Variants in PDZRN4 observed in about 807,000 individuals in gnomAD.
PDZRN4 encodes the protein PDZ domain containing ring finger 4, also known as PDZ domain-containing RING finger protein 4.
A neutral mutation model predicts 99.0 loss-of-function variants in PDZRN4; 70 were observed. The observed-to-expected ratio is 0.71, with a 90% CI of 0.58 to 0.86. The LOEUF (loss-of-function observed/expected upper bound fraction) is 0.86. Ranked by LOEUF, PDZRN4 falls within the 40% of genes least tolerant of loss-of-function variation. PDZRN4 has a pLI of 0.00. For missense variants in PDZRN4, 1,474 were observed against 1,331.2 expected, an observed-to-expected ratio of 1.11 and a Z score of -1.67; for synonymous variants, 551 against 501.6, an observed-to-expected ratio of 1.10 and a Z score of -1.32.
At chr12:41,439,245 T>C (rs564158165) in intron 3 of PDZRN4, among the ~76,000 whole-genome samples, 1 of 152,282 alleles carries the variant, frequency 6.6e-6, no homozygotes, top group Non-Finnish European at 1.5e-5. Flanking sequence ...CAATACCTTT[T>C]GCTTCATTTT....
intron 3 of PDZRN4, among the ~76,000 whole-genome samples, chr12:41,439,212 AACATTGTTAATT>A (rs1952656530): frequency 6.6e-6 from 1 of 152,228 alleles, no homozygotes; most frequent in South Asian, 2.1e-4. Flanking sequence ...AAAGAAGATT[AACATTGTTAATT>A]ACACCAGGGG....
chr12:41,188,355 G>A lies in PDZRN4; in HGVS notation c.-101G>A. 13 of 1,192,144 alleles carry A rather than the reference G, an allele frequency of 1.1e-5. No individual in the cohort carries two copies. The highest frequency in any genetic ancestry group is 1.6e-5 in the South Asian group (1 of 61,654). The allele number at this position is 1,192,144 out of a possible 1,614,324, so 73.8% of individuals were successfully genotyped here. ...CCACCCGCCACCTCCCTCCACTGCC[G>A]CCGCCGCGAGACGGCTGCCCCGGGG... On this transcript the variant is annotated 5_prime_UTR_variant, in exon 1 of 10. Coordinates refer to ENST00000402685, the MANE Select transcript of PDZRN4 (RefSeq NM_001164595.2).
chr12:41,370,157 A>G lies in PDZRN4; in HGVS notation c.844-136299A>G, dbSNP rs566651926. On this transcript the variant is annotated intron_variant, in intron 3 of 9. Transcript: ENST00000402685. ...GTCAATGCTATTTGAAATCATCACCATGTTTACCAATTTGCACTTATTGTT... is the reference window on the plus strand; with the variant it reads ...GTCAATGCTATTTGAAATCATCACCGTGTTTACCAATTTGCACTTATTGTT... Among the ~76,000 whole-genome samples, 19 of 152,020 alleles carry G rather than the reference A, an allele frequency of 1.2e-4. No homozygotes were observed. The East Asian group carries it at 2.7e-3, about 22-fold the overall frequency.
At chr12:41,530,590 TAGACTGG>T in intron 5 of PDZRN4, among the ~76,000 whole-genome samples, 1 of 152,224 alleles carries the variant, frequency 6.6e-6, no homozygotes, top group Admixed American at 6.5e-5. Flanking sequence ...CTTTTATGCA[TAGACTGG>T]TGCATATTAA....
intron 3 of PDZRN4, among the ~76,000 whole-genome samples, chr12:41,301,459 C>T (rs1035722384): frequency 6.6e-6 from 1 of 151,872 alleles, no homozygotes; most frequent in African/African-American, 2.4e-5. Flanking sequence ...ATGATCTTTA[C>T]ATAAGATATA....
At chr12:41,234,085 C>T (rs1440604098) in intron 3 of PDZRN4, among the ~76,000 whole-genome samples, 1 of 151,796 alleles carries the variant, frequency 6.6e-6, no homozygotes, top group African/African-American at 2.4e-5. Context: ...TTAATAGAAA[C>T]CTCAAAAAAG....
intron 3 of PDZRN4, among the ~76,000 whole-genome samples, chr12:41,325,514 G>T (rs947028401): frequency 2.0e-5 from 3 of 152,092 alleles, no homozygotes; most frequent in African/African-American, 7.2e-5. Context: ...CTAGGGAGGA[G>T]GATACCAAGT....
At position 41,334,487 on chromosome 12, in the gene PDZRN4, AG is replaced by A. The variant is rs1422225136; in HGVS notation, c.843+140300del. On this transcript the variant is annotated intron_variant, in intron 3 of 9. Transcript: ENST00000402685. ...TTTGCTGAGATCCTTCTCTGAAATA[AG>A]CTCAGCACCATCACCTCCTTATCTC... is the stretch of plus-strand genomic sequence containing the variant. Among the ~76,000 whole-genome samples the A allele has an allele frequency of 2.0e-5, 3 of 151,964 alleles. No individual in the cohort carries two copies. In the East Asian group the frequency reaches 5.8e-4, roughly 29 times the overall value.
intron 3 of PDZRN4, among the ~76,000 whole-genome samples, chr12:41,280,952 C>T (rs1374203162): frequency 6.6e-6 from 1 of 152,172 alleles, no homozygotes; most frequent in East Asian, 1.9e-4. Flanking sequence ...ACAGACACCT[C>T]ATACAGGAGA....
At chr12:41,314,830 GT>G (rs895882680) in intron 3 of PDZRN4, among the ~76,000 whole-genome samples, 1 of 151,150 alleles carries the variant, frequency 6.6e-6, no homozygotes, top group Admixed American at 6.6e-5. Context: ...TCTTTTTCAA[GT>G]TTTTTTCAAG....
At chr12:41,394,118 A>G (rs1334891470) in intron 3 of PDZRN4, among the ~76,000 whole-genome samples, 1 of 152,156 alleles carries the variant, frequency 6.6e-6, no homozygotes, top group Non-Finnish European at 1.5e-5. Context: ...TGGGTTGCAG[A>G]CAGCTGTCTT....
intron 3 of PDZRN4, among the ~76,000 whole-genome samples, chr12:41,316,343 T>G (rs566097425): frequency 1.3e-5 from 2 of 152,206 alleles, no homozygotes; most frequent in South Asian, 4.2e-4. Context: ...TCTTTCTTAA[T>G]AGTTGGAATG....
intron 3 of PDZRN4, among the ~76,000 whole-genome samples, chr12:41,325,751 G>A (rs139550261): frequency 6.7e-6 from 1 of 150,364 alleles, no homozygotes; most frequent in Non-Finnish European, 1.5e-5. Flanking sequence ...AAGTCAGAGT[G>A]ATTAAAAAAC....
intron 3 of PDZRN4, among the ~76,000 whole-genome samples, chr12:41,344,058 G>A (rs1951836109): frequency 6.6e-6 from 1 of 151,990 alleles, no homozygotes; most frequent in African/African-American, 2.4e-5. Flanking sequence ...TTTTAACACA[G>A]ACATTTTATG....
intron 3 of PDZRN4, among the ~76,000 whole-genome samples, chr12:41,210,151 A>G (rs1360797143): frequency 6.6e-6 from 1 of 151,984 alleles, no homozygotes; most frequent in Non-Finnish European, 1.5e-5. Flanking sequence ...TCTTCTTTTG[A>G]GAAGTGTCTG....
At chr12:41,220,163 G>A (rs946747633) in intron 3 of PDZRN4, among the ~76,000 whole-genome samples, 5 of 152,056 alleles carry the variant, frequency 3.3e-5, no homozygotes, top group Admixed American at 3.3e-4. Flanking sequence ...CCCATAGACC[G>A]GGTAACTTAA....
intron 5 of PDZRN4, among the ~76,000 whole-genome samples, chr12:41,510,343 G>A (rs780866203): frequency 6.6e-6 from 1 of 151,940 alleles, no homozygotes; most frequent in Non-Finnish European, 1.5e-5. Context: ...CTCTCTTTGT[G>A]CCTCTGGTCT....
At chr12:41,324,817 T>A (rs757145016) in intron 3 of PDZRN4, among the ~76,000 whole-genome samples, 1 of 152,130 alleles carries the variant, frequency 6.6e-6, no homozygotes, top group Non-Finnish European at 1.5e-5. Flanking sequence ...AAAAATACCT[T>A]ATCAATTTTT....
intron 3 of PDZRN4, among the ~76,000 whole-genome samples, chr12:41,322,850 T>A (rs1951689220): frequency 6.6e-6 from 1 of 151,906 alleles, no homozygotes; most frequent in African/African-American, 2.4e-5. Flanking sequence ...TGAATTATGA[T>A]CTTTTTCTCG....
Sources: allele counts gnomAD v4.1 joint callset (sites outside exome capture counted in the v4.1 genomes callset), GRCh38; gene constraint gnomAD v4.1.1; transcripts MANE v1.5; gene names NCBI Gene and HGNC (gene_info 2026-07-23, HGNC 2026-07-21).